NRP1: variants seen among roughly 807,000 people sequenced by gnomAD.
NRP1 encodes neuropilin-1.
Under a neutral mutation model 106.7 loss-of-function variants are expected in NRP1, and 35 were observed. The ratio of observed to expected loss-of-function variants is 0.33; its 90% CI spans 0.25 to 0.43. The LOEUF (loss-of-function observed/expected upper bound fraction) is 0.43, where lower values mean the gene tolerates loss of function less well. NRP1 is among the 20% of genes least tolerant of loss of function. The probability of loss-of-function intolerance (pLI) is 1.00; values close to 1 mark genes in which losing one functional copy is unlikely to be tolerated. For synonymous variants in NRP1, 437 were observed against 417.9 expected (o/e 1.05, Z -0.56); for missense variants, 1,024 against 1,170.4 (o/e 0.87, Z 1.83).
intron 6 of NRP1, among the ~76,000 whole-genome samples, chr10:33,236,564 A>G (rs1438725974): frequency 6.6e-6 from 1 of 152,236 alleles, no homozygotes; most frequent in African/African-American, 2.4e-5. Context: ...GTTTGGGTTC[A>G]GTGCTGCTGA....
chr10:33,179,833 A>T lies in NRP1; in HGVS notation c.*243T>A. 1 of 531,098 alleles carries T rather than the reference A, an allele frequency of 1.9e-6. No homozygotes were observed. Among genetic ancestry groups the T allele is most frequent in the Non-Finnish European group, 3.4e-6 (1 of 296,960 alleles). The allele number at this position is 531,098 out of a possible 1,614,324, so 32.9% of individuals were successfully genotyped here. A position where few individuals can be genotyped will look rare whatever the true frequency, so the allele number is the denominator to read the frequency against. On this transcript the variant is annotated 3_prime_UTR_variant, in exon 17 of 17. Transcript: ENST00000374867. ...ATTATGTCAATCATACTTGGTCTCA[A>T]CACCAGCATCTGATTATTCAAATGA... is the stretch of plus-strand genomic sequence containing the variant.
intron 2 of NRP1, among the ~76,000 whole-genome samples, chr10:33,308,474 A>G (rs1846329112): frequency 6.6e-6 from 1 of 151,780 alleles, no homozygotes; most frequent in African/African-American, 2.4e-5. Context: ...AAAGCTGTCT[A>G]TAGAAAATAA....
At chr10:33,187,475 C>T (rs1836090068) in intron 13 of NRP1, among the ~76,000 whole-genome samples, 1 of 152,148 alleles carries the variant, frequency 6.6e-6, no homozygotes, top group Non-Finnish European at 1.5e-5. Flanking sequence ...AGCCCTGCTT[C>T]TATTTGATGT....
intron 2 of NRP1, among the ~76,000 whole-genome samples, chr10:33,283,321 C>T (rs1404526665): frequency 6.6e-6 from 1 of 152,164 alleles, no homozygotes; most frequent in African/African-American, 2.4e-5. Context: ...CTGATACATT[C>T]ATGCTTAGAG....
chr10:33,300,317 A>C (rs1845713212), intron 2 of NRP1, among the ~76,000 whole-genome samples: 1 of 152,238 alleles, frequency 6.6e-6, no homozygotes, highest in Non-Finnish European at 1.5e-5. Context: ...AACATAGTGA[A>C]GGATGCAAAT....
intron 9 of NRP1, 35 bp downstream of exon 9, chr10:33,213,351 T>C (rs2132813269): frequency 6.2e-7 from 1 of 1,614,094 alleles, no homozygotes; most frequent in Non-Finnish European, 8.5e-7. Context: ...GTCAAGGACA[T>C]AAGGGATGAC....
chr10:33,233,732 G>C (rs1366245019), intron 6 of NRP1, among the ~76,000 whole-genome samples: 2 of 152,162 alleles, frequency 1.3e-5, no homozygotes, highest in African/African-American at 4.8e-5. Flanking sequence ...AAGAGCTGAG[G>C]TCTGATTAAA....
intron 3 of NRP1, among the ~76,000 whole-genome samples, chr10:33,265,194 C>A (rs1422317676): frequency 1.3e-5 from 2 of 152,192 alleles, no homozygotes; most frequent in Non-Finnish European, 2.9e-5. Context: ...CACATCAGCT[C>A]AGTCCCTGAA....
intron 3 of NRP1, among the ~76,000 whole-genome samples, chr10:33,266,782 C>T (rs1476358994): frequency 6.6e-6 from 1 of 152,134 alleles, no homozygotes; most frequent in East Asian, 1.9e-4. Flanking sequence ...TGGCCTTGTC[C>T]TTGCAATAGT....
At chr10:33,237,430 G>A (rs767604234) in intron 6 of NRP1, among the ~76,000 whole-genome samples, 7 of 151,440 alleles carry the variant, frequency 4.6e-5, no homozygotes, top group Non-Finnish European at 1.0e-4. Context: ...CTTTGGCTGG[G>A]GAAGCAGAAG....
At chr10:33,295,757 T>C (rs1845341435) in intron 2 of NRP1, among the ~76,000 whole-genome samples, 1 of 152,180 alleles carries the variant, frequency 6.6e-6, no homozygotes. Flanking sequence ...GGGTACACCA[T>C]TAGATCATTT....
chr10:33,243,775 T>C (rs1240570317), intron 6 of NRP1, among the ~76,000 whole-genome samples: 1 of 152,122 alleles, frequency 6.6e-6, no homozygotes, highest in Non-Finnish European at 1.5e-5. Context: ...GTTGGAAATA[T>C]AAAAGCATAA....
intron 12 of NRP1, among the ~76,000 whole-genome samples, chr10:33,195,197 T>G (rs1365536520): frequency 3.3e-5 from 5 of 152,194 alleles, no homozygotes; most frequent in African/African-American, 1.2e-4. Context: ...GCAGTTTAAC[T>G]CACTTGTTCA....
chr10:33,203,020 A>G (rs774720126), intron 10 of NRP1, 25 bp from the exon 11 acceptor site: 5 of 1,591,394 alleles, frequency 3.1e-6, no homozygotes, highest in East Asian at 2.2e-5. Flanking sequence ...AAGGATTATT[A>G]TCTCACACCT....
Position 33,334,305 on chromosome 10 carries a change from C to G in NRP1, c.73+5G>C. ...CTGTCACCCGCGCCTCTGCCTGTCA[C>G]TTACCGTTGCGAAAAGCGCCGGCCG... On this transcript the variant is annotated splice_donor_5th_base_variant and intron_variant, in intron 1 of 16. Coordinates refer to ENST00000374867, the MANE Select transcript of NRP1 (RefSeq NM_003873.7). 6.5e-7 allele frequency: 1 copy of G among 1,541,404 alleles called. No individual in the cohort carries two copies. Among genetic ancestry groups the G allele is most frequent in the Non-Finnish European group, 8.7e-7 (1 of 1,146,088 alleles).
chr10:33,253,907 T>C (rs7074620), intron 6 of NRP1, 121 bp downstream of exon 6: 518,699 of 791,954 alleles, frequency 0.65, 171,983 homozygotes, highest in African/African-American at 0.81. Context: ...TTATACCTGA[T>C]GGCCGTGAAC....
chr10:33,213,528 T>A lies in NRP1; in HGVS notation c.1472A>T (p.Glu491Val). The stretch of plus-strand genomic sequence containing the variant: ...GATGATGCCCCTCACGATCTTCTCC[T>A]CCCCCAGGTCTATTTGGAGCCACTC... ...INEWLQIDLGEEKIVRGIIIQ... is the reference protein window; with the variant it reads ...INEWLQIDLGVEKIVRGIIIQ... The change falls in exon 9 of 17, where the codon GAG becomes GTG. Residue 491 changes from glutamate (E) to valine (V), a missense_variant. This residue lies in a region of NRP1 where 562 missense variants were observed against 620.3 expected (regional missense o/e 0.91). Coordinates refer to ENST00000374867, the MANE Select transcript of NRP1 (RefSeq NM_003873.7). 1 of 1,613,852 alleles carries A rather than the reference T, an allele frequency of 6.2e-7. No individual in the cohort carries two copies. The highest frequency in any genetic ancestry group is 8.5e-7 in the Non-Finnish European group (1 of 1,179,962).
At chr10:33,204,976 C>A (rs1015859466) in intron 10 of NRP1, among the ~76,000 whole-genome samples, 5 of 152,180 alleles carry the variant, frequency 3.3e-5, no homozygotes, top group African/African-American at 1.2e-4. Context: ...AAGTGATCTG[C>A]CCGCCTTGGC....
intron 10 of NRP1, among the ~76,000 whole-genome samples, chr10:33,203,500 T>TA (rs201664744): frequency 3.6e-4 from 54 of 148,706 alleles, no homozygotes; most frequent in Non-Finnish European, 4.8e-4. Flanking sequence ...AGTGTTTTTT[T>TA]AAAAAAAAAC....
Sources: gnomAD v4.1 joint callset for allele counts (sites outside exome capture counted in the v4.1 genomes callset) on GRCh38, gnomAD v4.1.1 for gene constraint, gnomAD v4.1.1 regional missense constraint, MANE v1.5 for transcripts, NCBI Gene and HGNC (gene_info 2026-07-23, HGNC 2026-07-21) for gene names.